Variants in MTHFS observed in about 807,000 individuals in gnomAD.
MTHFS encodes the protein methenyltetrahydrofolate synthetase, also known as 5-formyltetrahydrofolate cyclo-ligase.
In MTHFS, 7 loss-of-function variants were observed where a neutral mutation model predicts 12.7. The ratio of observed to expected loss-of-function variants is 0.55; its 90% confidence interval spans 0.31 to 1.03. MTHFS has a LOEUF of 1.03. Ranked by LOEUF, MTHFS falls within the 50% of genes least tolerant of loss-of-function variation. MTHFS has a pLI of 0.05. For synonymous variants in MTHFS, 100 were observed against 97.1 expected (o/e 1.03, Z -0.18); for missense variants, 252 against 258.1 (o/e 0.98, Z 0.16).
At chr15:79,891,993 A>G (rs1427324718) in intron 1 of MTHFS, among the ~76,000 whole-genome samples, 1 of 151,362 alleles carries the variant, frequency 6.6e-6, no homozygotes, top group African/African-American at 2.4e-5. Flanking sequence ...AAAGAGAAAG[A>G]AAAAGAAAAA....
chr15:79,897,145 C>G (rs188687524), upstream of MTHFS: 2 of 623,576 alleles, frequency 3.2e-6, no homozygotes, highest in Non-Finnish European at 4.9e-6. Flanking sequence ...GGGCCCGCGG[C>G]GCGCCGCGCG....
At chr15:79,856,748 A>C (rs545996818) in intron 2 of MTHFS, among the ~76,000 whole-genome samples, 70 of 152,244 alleles carry the variant, frequency 4.6e-4, no homozygotes, top group African/African-American at 1.6e-3. Context: ...TAAGATGGTA[A>C]ATTTTGTTAT....
chr15:79,870,225 C>T (rs995055378), intron 2 of MTHFS, among the ~76,000 whole-genome samples: 1 of 152,196 alleles, frequency 6.6e-6, no homozygotes, highest in African/African-American at 2.4e-5. Context: ...GTCTAGAACA[C>T]AGGTCACAAA....
intron 2 of MTHFS, among the ~76,000 whole-genome samples, chr15:79,869,609 T>C (rs1228759594): frequency 6.6e-6 from 1 of 152,122 alleles, no homozygotes; most frequent in African/African-American, 2.4e-5. Context: ...TAATTTTAAA[T>C]ATTTTGTAGA....
At chr15:79,859,339 A>G (rs2033868380) in intron 2 of MTHFS, among the ~76,000 whole-genome samples, 1 of 152,270 alleles carries the variant, frequency 6.6e-6, no homozygotes, top group Admixed American at 6.5e-5. Flanking sequence ...GCCATTATAC[A>G]TCTATATTCA....
intron 1 of MTHFS, among the ~76,000 whole-genome samples, chr15:79,890,207 C>CTTT (rs71150999): frequency 2.7e-4 from 27 of 100,736 alleles, no homozygotes; most frequent in South Asian, 8.6e-4. Context: ...CTCTTTTTTC[C>CTTT]TTTTTTTTTT....
At chr15:79,863,137 T>G (rs2033946991) in intron 2 of MTHFS, among the ~76,000 whole-genome samples, 1 of 152,216 alleles carries the variant, frequency 6.6e-6, no homozygotes, top group Non-Finnish European at 1.5e-5. Context: ...CAGCCTCAAG[T>G]GGCCTGGAGA....
intron 1 of MTHFS, among the ~76,000 whole-genome samples, chr15:79,891,268 CT>C (rs1354954988): frequency 1.1e-4 from 17 of 152,240 alleles, no homozygotes; most frequent in African/African-American, 4.1e-4. Flanking sequence ...GCTAAGACAT[CT>C]TCATTCACAA....
chr15:79,871,829 G>A (rs12915501), intron 2 of MTHFS, among the ~76,000 whole-genome samples: 16,521 of 151,914 alleles, frequency 0.11, 1,136 homozygotes, highest in South Asian at 0.21. Flanking sequence ...TACATAGGCC[G>A]GGCACGGTGG....
chr15:79,892,709 T>C (rs1374298680), intron 1 of MTHFS, among the ~76,000 whole-genome samples: 1 of 152,106 alleles, frequency 6.6e-6, no homozygotes, highest in Non-Finnish European at 1.5e-5. Flanking sequence ...TCCCGGCACT[T>C]TGGGAAGCCA....
At position 79,883,540 on chromosome 15, in the gene MTHFS, T is replaced by G. The variant is rs867530711; in HGVS notation, c.379+5553A>C. 2.6e-5 allele frequency among the ~76,000 whole-genome samples: 4 copies of G among 152,172 alleles called. No individual in the cohort carries two copies. The South Asian group carries it at 6.2e-4, about 24-fold the overall frequency. On this transcript the variant is annotated intron_variant, in intron 2 of 2. Transcript: ENST00000258874. ...ATAAAACGTGCTAATATACGTAAAG[T>G]GCCAAGTACATAAGAATTACGGAAG...
At position 79,880,375 on chromosome 15, in the gene MTHFS, C is replaced by T. The variant is rs571779155; in HGVS notation, c.379+8718G>A. 8.6e-4 allele frequency among the ~76,000 whole-genome samples: 131 copies of T among 152,028 alleles called. 2 individuals are homozygous for T. Among genetic ancestry groups the T allele is most frequent in the South Asian group, 6.0e-3 (29 of 4,812 alleles). On this transcript the variant is annotated intron_variant, in intron 2 of 2. Transcript: ENST00000258874. ...GATTACAGGTGTGAGCCACTGCGCC[C>T]GGCCTCTGCTTGTTTATTTATGGAT...
At chr15:79,891,963 C>CAAAAAA (rs57309663) in intron 1 of MTHFS, among the ~76,000 whole-genome samples, 9 of 84,228 alleles carry the variant, frequency 1.1e-4, no homozygotes, top group African/African-American at 2.0e-4. Flanking sequence ...AACTCCATCT[C>CAAAAAA]AAAAAAAAAA....
intron 2 of MTHFS, among the ~76,000 whole-genome samples, chr15:79,880,786 T>C (rs962469029): frequency 2.6e-5 from 3 of 114,364 alleles, no homozygotes; most frequent in African/African-American, 9.2e-5. Context: ...CTGCAAGTAG[T>C]AAAGCAAAAA....
chr15:79,861,935 G>C (rs2033922534), intron 2 of MTHFS, among the ~76,000 whole-genome samples: 1 of 152,136 alleles, frequency 6.6e-6, no homozygotes, highest in Non-Finnish European at 1.5e-5. Flanking sequence ...CACATCTGGG[G>C]AACAGGCTGG....
intron 2 of MTHFS, among the ~76,000 whole-genome samples, chr15:79,858,333 T>C (rs1420994519): frequency 9.2e-5 from 14 of 152,176 alleles, no homozygotes; most frequent in Non-Finnish European, 2.1e-4. Context: ...AGGAAGGAAG[T>C]TGTATTCCCT....
At chr15:79,870,911 A>C (rs1483374723) in intron 2 of MTHFS, among the ~76,000 whole-genome samples, 2 of 152,162 alleles carry the variant, frequency 1.3e-5, no homozygotes, top group Non-Finnish European at 1.5e-5. Context: ...GGGAGGCCAA[A>C]GCAGGCAGAT....
chr15:79,894,470 A>C (rs1413220890), intron 1 of MTHFS, among the ~76,000 whole-genome samples: 1 of 152,100 alleles, frequency 6.6e-6, no homozygotes, highest in Non-Finnish European at 1.5e-5. Context: ...TACAGAGTAA[A>C]ATGTATTTAT....
intron 2 of MTHFS, among the ~76,000 whole-genome samples, chr15:79,873,014 G>A (rs1037814154): frequency 5.9e-5 from 9 of 152,164 alleles, no homozygotes; most frequent in African/African-American, 1.7e-4. Context: ...CAAGTAGGAC[G>A]CAGTCAACAC....
Sources: gnomAD v4.1 joint callset for allele counts (sites outside exome capture counted in the v4.1 genomes callset) on GRCh38, gnomAD v4.1.1 for gene constraint, MANE v1.5 for transcripts, NCBI Gene and HGNC (gene_info 2026-07-23, HGNC 2026-07-21) for gene names.